MTF2: variants seen among roughly 807,000 people sequenced by gnomAD.
MTF2 encodes the protein metal-response element-binding transcription factor 2.
MTF2 carries 11 observed loss-of-function variants against 79.5 expected under a neutral mutation model. The observed-to-expected ratio is 0.14, with a 90% CI of 0.09 to 0.23. The LOEUF is 0.23. Among genes scored for constraint, MTF2 ranks in the 10% least tolerant of loss-of-function variants. The probability of loss-of-function intolerance (pLI) is 1.00; values close to 1 mark genes in which losing one functional copy is unlikely to be tolerated. For synonymous variants in MTF2, 208 were observed against 232.8 expected (o/e 0.89, Z 0.97); for missense variants, 486 against 711.2 (o/e 0.68, Z 3.60).
intron 1 of MTF2, among the ~76,000 whole-genome samples, chr1:93,108,099 G>GA (rs1655878921): frequency 6.6e-6 from 1 of 152,130 alleles, no homozygotes; most frequent in Non-Finnish European, 1.5e-5. Context: ...TGAAACAGTT[G>GA]AAACAGTTTT....
At chr1:93,118,243 G>A in intron 6 of MTF2, 102 bp from the exon 7 acceptor site, 1 of 633,862 alleles carries the variant, frequency 1.6e-6, no homozygotes, top group Non-Finnish European at 2.6e-6. Context: ...AATTAGAACA[G>A]TATTGTGGAT....
chr1:93,080,228 A>G (rs1197600656), intron 1 of MTF2, among the ~76,000 whole-genome samples: 4 of 152,286 alleles, frequency 2.6e-5, no homozygotes, highest in African/African-American at 9.6e-5. Flanking sequence ...ATCTACGTCT[A>G]GGATGTAGAT....
chr1:93,126,480 GCT>G (rs1656702521), intron 9 of MTF2, among the ~76,000 whole-genome samples: 1 of 27,576 alleles, frequency 3.6e-5, no homozygotes, highest in Admixed American at 4.0e-4. Flanking sequence ...TTTGGAAGCA[GCT>G]TTTTTTTTTT....
At chr1:93,120,894 G>T in intron 9 of MTF2, 1 of 1,217,114 alleles carries the variant, frequency 8.2e-7, no homozygotes, top group South Asian at 2.2e-5. Context: ...AGAAGGAGGA[G>T]GTATATTATT....
intron 1 of MTF2, among the ~76,000 whole-genome samples, chr1:93,097,027 C>G (rs1464229628): frequency 1.3e-5 from 2 of 151,974 alleles, no homozygotes; most frequent in African/African-American, 4.8e-5. Flanking sequence ...CTAGGCTGGT[C>G]TCAAACTCCT....
intron 1 of MTF2, 149 bp downstream of exon 1, chr1:93,079,680 T>C: frequency 9.8e-7 from 1 of 1,016,068 alleles, no homozygotes; most frequent in Non-Finnish European, 1.5e-6. Flanking sequence ...CATTTATGTG[T>C]ATATTGAAAA....
At chr1:93,103,281 A>G (rs997641574) in intron 1 of MTF2, among the ~76,000 whole-genome samples, 5 of 151,550 alleles carry the variant, frequency 3.3e-5, no homozygotes, top group African/African-American at 4.8e-5. Flanking sequence ...TATTTATCCT[A>G]TATAGTAGTT....
chr1:93,118,470 G>A, intron 7 of MTF2, 30 bp downstream of exon 7: 1 of 1,439,120 alleles, frequency 6.9e-7, no homozygotes, highest in Non-Finnish European at 9.5e-7. Flanking sequence ...TTTACTGGCT[G>A]ATTTTTGTCA....
chr1:93,082,135 CAA>C (rs1654630977), intron 1 of MTF2, among the ~76,000 whole-genome samples: 1 of 151,924 alleles, frequency 6.6e-6, no homozygotes. Context: ...CAAAAAACAA[CAA>C]AAAATGGATA....
chr1:93,105,683 T>TG (rs1557548914), intron 1 of MTF2, among the ~76,000 whole-genome samples: 134 of 138,636 alleles, frequency 9.7e-4, no homozygotes, highest in African/African-American at 2.9e-3. Flanking sequence ...GTGTGTGTGT[T>TG]TTTTTTTTGA....
intron 1 of MTF2, among the ~76,000 whole-genome samples, chr1:93,107,709 A>AT (rs35778433): frequency 5.7e-4 from 86 of 150,846 alleles, no homozygotes; most frequent in African/African-American, 2.1e-3. Context: ...CTTAATTACC[A>AT]TTTTTTTTTT....
chr1:93,095,382 C>A (rs770697020), intron 1 of MTF2, among the ~76,000 whole-genome samples: 1 of 152,032 alleles, frequency 6.6e-6, no homozygotes, highest in African/African-American at 2.4e-5. Context: ...CTCTTGTCGC[C>A]GAAGCTGGAG....
chr1:93,116,944 A>G (rs1656271312), intron 6 of MTF2, among the ~76,000 whole-genome samples: 1 of 152,218 alleles, frequency 6.6e-6, no homozygotes, highest in African/African-American at 2.4e-5. Context: ...TTGCCATCTT[A>G]GGTGGGCACG....
intron 10 of MTF2, 163 bp from the exon 11 acceptor site, chr1:93,129,115 G>A: frequency 2.3e-6 from 1 of 443,688 alleles, no homozygotes; most frequent in Middle Eastern, 6.1e-4. Context: ...CTGTAGACTG[G>A]CTCTGGGGCA....
chr1:93,118,283 AG>A, intron 6 of MTF2, 61 bp from the exon 7 acceptor site: 1 of 980,492 alleles, frequency 1.0e-6, no homozygotes, highest in Non-Finnish European at 1.5e-6. Flanking sequence ...TTTTTTTTAA[AG>A]AAATGAACCT....
intron 1 of MTF2, among the ~76,000 whole-genome samples, chr1:93,090,007 C>T (rs576081924): frequency 6.6e-6 from 1 of 152,062 alleles, no homozygotes; most frequent in South Asian, 2.1e-4. Context: ...GATGGAGTCT[C>T]GCTCTGTCCC....
chr1:93,131,598 T>TA (rs1656919098), intron 11 of MTF2, among the ~76,000 whole-genome samples: 1 of 152,148 alleles, frequency 6.6e-6, no homozygotes, highest in South Asian at 2.1e-4. Context: ...GGAAAGGGTA[T>TA]ATGTCATCAA....
intron 1 of MTF2, among the ~76,000 whole-genome samples, chr1:93,091,837 A>G (rs1655085672): frequency 6.6e-6 from 1 of 152,182 alleles, no homozygotes; most frequent in African/African-American, 2.4e-5. Context: ...TATTAAAACA[A>G]TTGTTTCTTG....
chr1:93,103,144 A>T (rs911372636), intron 1 of MTF2, among the ~76,000 whole-genome samples: 1 of 151,892 alleles, frequency 6.6e-6, no homozygotes, highest in Non-Finnish European at 1.5e-5. Context: ...AAAAAAAGGA[A>T]ATTATAATTG....
Sources: gnomAD v4.1 joint callset for allele counts (sites outside exome capture counted in the v4.1 genomes callset) on GRCh38, gnomAD v4.1.1 for gene constraint, MANE v1.5 for transcripts, NCBI Gene and HGNC (gene_info 2026-07-23, HGNC 2026-07-21) for gene names.